The following ABHD2 variants were observed in gnomAD, a reference collection of about 807,000 sequenced individuals.
ABHD2 encodes monoacylglycerol lipase ABHD2.
In ABHD2, 20 loss-of-function variants were observed where a neutral mutation model predicts 48.1. The ratio of observed to expected loss-of-function variants is 0.42; its 90% confidence interval spans 0.29 to 0.60. ABHD2 has a LOEUF of 0.60. Ranked by LOEUF, ABHD2 falls within the 20% of genes least tolerant of loss-of-function variation. ABHD2 has a pLI of 0.24. For missense variants in ABHD2, 405 were observed against 550.9 expected, an observed-to-expected ratio of 0.74 and a Z score of 2.65; for synonymous variants, 209 against 214.2, an observed-to-expected ratio of 0.98 and a Z score of 0.21.
At chr15:89,181,250 A>G (rs1369155685) in intron 6 of ABHD2, among the ~76,000 whole-genome samples, 2 of 151,058 alleles carry the variant, frequency 1.3e-5, no homozygotes, top group African/African-American at 2.4e-5. Context: ...AAAAAAAAAA[A>G]CAAGATGGTA....
At chr15:89,138,296 A>G (rs548686871) in intron 3 of ABHD2, among the ~76,000 whole-genome samples, 1 of 152,286 alleles carries the variant, frequency 6.6e-6, no homozygotes, top group South Asian at 2.1e-4. Flanking sequence ...AGCTGCCACA[A>G]AGCTTCACTC....
At position 89,168,258 on chromosome 15, in the gene ABHD2, A is replaced by G. The variant is rs1044690828; in HGVS notation, c.539-7554A>G. 2.6e-5 allele frequency among the ~76,000 whole-genome samples: 4 copies of G among 152,170 alleles called. No homozygotes were observed. Among genetic ancestry groups the G allele is most frequent in the Non-Finnish European group, 5.9e-5 (4 of 68,026 alleles). Reference sequence around the variant, plus strand: ...TTTCCAAAATGGCCGTGCAATACTCATCTGTCTAAGGCCCAGCTAGTGTTT... The same window carrying G: ...TTTCCAAAATGGCCGTGCAATACTCGTCTGTCTAAGGCCCAGCTAGTGTTT... On this transcript the variant is annotated intron_variant, in intron 5 of 10. Coordinates refer to ENST00000352732, the MANE Select transcript of ABHD2 (RefSeq NM_152924.5). This position sits in a 1 kb window ranked among gnomAD's most constrained non-coding sequence, Gnocchi z 4.8.
At chr15:89,150,959 T>C (rs565464357) in intron 3 of ABHD2, among the ~76,000 whole-genome samples, 9 of 152,248 alleles carry the variant, frequency 5.9e-5, no homozygotes, top group Non-Finnish European at 1.3e-4. Flanking sequence ...TAATTAACTA[T>C]TTGTGATTTT....
chr15:89,106,220 C>T lies in ABHD2; in HGVS notation c.-106-7505C>T, dbSNP rs1195389060. The T allele has an allele frequency of 6.6e-6, 1 of 152,288 alleles. No homozygotes were observed. The highest frequency in any genetic ancestry group is 1.5e-5 in the Non-Finnish European group (1 of 68,118). The allele number at this position is 152,288 out of a possible 1,614,324, so 9.4% of individuals were successfully genotyped here. On this transcript the variant is annotated intron_variant, in intron 1 of 10. Transcript: ENST00000352732. This position sits in a 1 kb window ranked among gnomAD's most constrained non-coding sequence, Gnocchi z 4.2. ...ATCCCAGCTACGCCAGAGGCTTGAA[C>T]CCAGGAGGCAGAGGTTGCAGTGACC...
Position 89,167,502 on chromosome 15 carries a change from G to A in ABHD2, c.539-8310G>A, listed in dbSNP as rs975021208. Among the ~76,000 whole-genome samples, 4 of 152,204 alleles carry A rather than the reference G, an allele frequency of 2.6e-5. No individual in the cohort carries two copies. Among genetic ancestry groups the A allele is most frequent in the African/African-American group, 9.7e-5 (4 of 41,444 alleles). Reference sequence around the variant, plus strand: ...AGTGTGTCAGGGAGTCATATCCAAAGCAGAACAGTGGCCAAGAGTGGTGAG... The same window carrying A: ...AGTGTGTCAGGGAGTCATATCCAAAACAGAACAGTGGCCAAGAGTGGTGAG... On this transcript the variant is annotated intron_variant, in intron 5 of 10. Coordinates refer to ENST00000352732, the MANE Select transcript of ABHD2 (RefSeq NM_152924.5). This position sits in a 1 kb window ranked among gnomAD's most constrained non-coding sequence, Gnocchi z 5.5.
the ABHD2 span, among the ~76,000 whole-genome samples, chr15:89,062,082 A>G: frequency 6.6e-6 from 1 of 152,138 alleles, no homozygotes; most frequent in Non-Finnish European, 1.5e-5. Flanking sequence ...GCTCACGGCT[A>G]CCACCAAAGC....
In ABHD2 at chr15:89,201,558, G is replaced by C; in HGVS notation, c.*6135G>C. The C allele has an allele frequency of 1.3e-6, 2 of 1,596,978 alleles. No homozygotes were observed. The highest frequency in any genetic ancestry group is 2.2e-5 in the South Asian group (2 of 90,684). On this transcript the variant is annotated 3_prime_UTR_variant, in exon 11 of 11. Coordinates refer to ENST00000352732, the MANE Select transcript of ABHD2 (RefSeq NM_152924.5). ...CTTTTCATTCGGATCATAGTCAAAG[G>C]GCTGTAGCATTACTGAAACAGTCAC...
chr15:89,135,317 C>T (rs1025998908), intron 3 of ABHD2, among the ~76,000 whole-genome samples: 15 of 151,678 alleles, frequency 9.9e-5, no homozygotes, highest in Admixed American at 9.8e-4. Context: ...TTTACAATCC[C>T]CATACTGTAC....
chr15:89,103,632 G>A (rs574654920), intron 1 of ABHD2, among the ~76,000 whole-genome samples: 7 of 152,198 alleles, frequency 4.6e-5, no homozygotes, highest in African/African-American at 2.4e-5. Flanking sequence ...GTTCAGGGGG[G>A]TAAGGGTTGG....
the ABHD2 span, among the ~76,000 whole-genome samples, chr15:89,067,330 A>G: frequency 6.6e-6 from 1 of 152,260 alleles, no homozygotes; most frequent in African/African-American, 2.4e-5. Flanking sequence ...TTTGAAGCAT[A>G]TGGAACATGT....
chr15:89,137,551 C>T lies in ABHD2; in HGVS notation c.195-14126C>T, dbSNP rs866202835. Among the ~76,000 whole-genome samples, 6 of 152,162 alleles carry T rather than the reference C, an allele frequency of 3.9e-5. No individual in the cohort carries two copies. The highest frequency in any genetic ancestry group is 6.5e-5 in the Admixed American group (1 of 15,274). On this transcript the variant is annotated intron_variant, in intron 3 of 10. Transcript: ENST00000352732. The surrounding 1 kb of genome is among the most constrained non-coding windows in gnomAD (Gnocchi z 4.8). ...CTGTATTTAGAAACCAGTTCGGGAA[C>T]GGAAGAGGATTGCTCTTTTGTTTCC...
the ABHD2 span, among the ~76,000 whole-genome samples, chr15:89,042,563 T>G: frequency 6.6e-6 from 1 of 150,642 alleles, no homozygotes; most frequent in Non-Finnish European, 1.5e-5. Flanking sequence ...TCTTTCTTTT[T>G]TATTTCCTTT....
chr15:89,145,140 C>T (rs1412013686), intron 3 of ABHD2, among the ~76,000 whole-genome samples: 2 of 152,170 alleles, frequency 1.3e-5, no homozygotes, highest in African/African-American at 2.4e-5. Context: ...CCTGTAATCC[C>T]AGCTACTCCA....
the ABHD2 span, among the ~76,000 whole-genome samples, chr15:89,053,658 C>T: frequency 3.2e-3 from 492 of 152,240 alleles, 5 homozygotes; most frequent in African/African-American, 0.012. Context: ...GGACAGCCTT[C>T]GAGAGGAGGG....
At position 89,195,360 on chromosome 15, in the gene ABHD2, C is replaced by T. The variant is rs780101594; in HGVS notation, c.1215C>T (p.Cys405=). The change falls in exon 11 of 11, where the codon TGC becomes TGT. Residue 405 remains cysteine, a synonymous_variant. Coordinates refer to ENST00000352732, the MANE Select transcript of ABHD2 (RefSeq NM_152924.5). The surrounding 1 kb of genome is among the most constrained non-coding windows in gnomAD (Gnocchi z 5.1). The stretch of plus-strand genomic sequence containing the variant: ...TGGTGGAGTACGCCAACGCCATTTG[C>T]CAATGGGAGCGTAACAAGTTGCAGT... The part of the protein sequence containing the change: ...KLVVEYANAI[C]QWERNKLQCS... 6.2e-7 allele frequency: 1 copy of T among 1,614,184 alleles called. No individual in the cohort carries two copies. The highest frequency in any genetic ancestry group is 1.1e-5 in the South Asian group (1 of 91,086).
At chr15:89,111,574 AT>A (rs1488697623) in intron 1 of ABHD2, among the ~76,000 whole-genome samples, 1 of 152,200 alleles carries the variant, frequency 6.6e-6, no homozygotes, top group Non-Finnish European at 1.5e-5. Flanking sequence ...AGTTGCAGCC[AT>A]GTTTTCTGCA....
intron 3 of ABHD2, among the ~76,000 whole-genome samples, chr15:89,127,722 C>CACATAT (rs145443146): frequency 0.031 from 4,119 of 133,112 alleles, 400 homozygotes; most frequent in African/African-American, 0.12. Flanking sequence ...TATATATACA[C>CACATAT]ATATATATAT....
At chr15:89,171,521 A>G (rs1334763547) in intron 5 of ABHD2, among the ~76,000 whole-genome samples, 1 of 152,170 alleles carries the variant, frequency 6.6e-6, no homozygotes, top group African/African-American at 2.4e-5. Context: ...AAAGGCATTT[A>G]AATTTTCTGT....
Position 89,175,711 on chromosome 15 carries a change from C to A in ABHD2, c.539-101C>A. 7.9e-7 allele frequency: 1 copy of A among 1,262,318 alleles called. No homozygotes were observed. The allele number at this position is 1,262,318 out of a possible 1,614,324, so 78.2% of individuals were successfully genotyped here. ...TATATACACATATATATTTCTCTCT[C>A]TTTTAGTATACTGGCACCCATTTAG... is the stretch of plus-strand genomic sequence containing the variant. On this transcript the variant is annotated intron_variant, in intron 5 of 10. Transcript: ENST00000352732. The surrounding 1 kb of genome is among the most constrained non-coding windows in gnomAD (Gnocchi z 5.7).
Sources: allele counts gnomAD v4.1 joint callset (sites outside exome capture counted in the v4.1 genomes callset), GRCh38; gene constraint gnomAD v4.1.1; non-coding constraint Gnocchi (gnomAD v3.1); transcripts MANE v1.5; gene names NCBI Gene and HGNC (gene_info 2026-07-23, HGNC 2026-07-21).